NBEAL1: variants seen among roughly 807,000 people sequenced by gnomAD.
The protein encoded by NBEAL1 is neurobeachin like 1.
Under a neutral mutation model 351.3 loss-of-function variants are expected in NBEAL1, and 273 were observed. The observed-to-expected ratio is 0.78, with a 90% CI of 0.70 to 0.86. The LOEUF is 0.86. Ranked by LOEUF, NBEAL1 falls within the 40% of genes least tolerant of loss-of-function variation. NBEAL1 has a pLI of 0.00. For synonymous variants in NBEAL1, 1,050 were observed against 1,086.4 expected, an observed-to-expected ratio of 0.97 and a Z score of 0.66; for missense variants, 2,961 against 3,201.3, an observed-to-expected ratio of 0.92 and a Z score of 1.81.
At chr2:203,068,135 G>C (rs1404337275) in intron 6 of NBEAL1, among the ~76,000 whole-genome samples, 3 of 152,078 alleles carry the variant, frequency 2.0e-5, no homozygotes, top group Non-Finnish European at 4.4e-5. Context: ...TTAAGGTCTG[G>C]CTTCTTGTTC....
At chr2:203,197,446 GA>G in intron 48 of NBEAL1, 55 bp downstream of exon 48, 2 of 1,171,910 alleles carry the variant, frequency 1.7e-6, no homozygotes, top group Middle Eastern at 2.0e-4. Context: ...TTACAACTTA[GA>G]AAAAAAGAGG....
intron 50 of NBEAL1, among the ~76,000 whole-genome samples, chr2:203,202,237 G>A (rs2065420359): frequency 1.3e-5 from 2 of 152,100 alleles, no homozygotes; most frequent in African/African-American, 2.4e-5. Flanking sequence ...TAACACTTAC[G>A]TCTGCAGTTT....
chr2:203,180,701 C>A (rs1271585344), intron 43 of NBEAL1, among the ~76,000 whole-genome samples, 189 bp downstream of exon 43: 1 of 151,974 alleles, frequency 6.6e-6, no homozygotes, highest in African/African-American at 2.4e-5. Context: ...GGGAACTAAG[C>A]CAAAGGAGTC....
chr2:203,072,784 T>C (rs1294717098), intron 7 of NBEAL1, among the ~76,000 whole-genome samples: 1 of 152,200 alleles, frequency 6.6e-6, no homozygotes, highest in African/African-American at 2.4e-5. Context: ...TCAAAACTCT[T>C]CCAGCCTCTA....
intron 2 of NBEAL1, among the ~76,000 whole-genome samples, chr2:203,021,839 G>T (rs1379268688): frequency 2.0e-5 from 3 of 151,950 alleles, no homozygotes; most frequent in African/African-American, 7.3e-5. Context: ...CATGAGGTCA[G>T]GAGTTTGAGA....
intron 6 of NBEAL1, among the ~76,000 whole-genome samples, chr2:203,059,097 T>C (rs1445515551): frequency 6.6e-6 from 1 of 152,236 alleles, no homozygotes; most frequent in African/African-American, 2.4e-5. Flanking sequence ...TTTGTAGGCT[T>C]TTCAGGGTTC....
At position 203,081,166 on chromosome 2, in the gene NBEAL1, A is replaced by G. The variant is rs960660589; in HGVS notation, c.685-2053A>G. ...GTACAAGGGTGTTTAGAGGAATTGA[A>G]TATATAAAAGCTAAAGAATGGTCAT... On this transcript the variant is annotated intron_variant, in intron 8 of 55. Coordinates refer to ENST00000683969, the MANE Select transcript of NBEAL1 (RefSeq NM_001378026.1). 3.9e-5 allele frequency among the ~76,000 whole-genome samples: 6 copies of G among 152,238 alleles called. No homozygotes were observed. The South Asian group carries it at 1.2e-3, about 31-fold the overall frequency.
At position 203,201,767 on chromosome 2, in the gene NBEAL1, A is replaced by T. The variant is rs771029595; in HGVS notation, c.7411+52A>T. On this transcript the variant is annotated intron_variant, in intron 50 of 55. Coordinates refer to ENST00000683969, the MANE Select transcript of NBEAL1 (RefSeq NM_001378026.1). ...TGCTCAAAAATTTTCTTTTTTTCTT[A>T]AGTATAAAAGTAGTACGTGCTCTTT... 2.1e-5 allele frequency: 31 copies of T among 1,451,440 alleles called. 1 individual carries two copies. The highest frequency in any genetic ancestry group is 2.8e-5 in the African/African-American group (2 of 70,236). 89.9% of individuals were successfully genotyped at this position (1,451,440 alleles called of 1,614,324 possible).
chr2:203,204,322 TG>T (rs1575126058), intron 51 of NBEAL1, among the ~76,000 whole-genome samples: 1 of 149,678 alleles, frequency 6.7e-6, no homozygotes, highest in East Asian at 1.9e-4. Context: ...GGGGGTTTTT[TG>T]GTTTTTTTTT....
At position 203,138,641 on chromosome 2, in the gene NBEAL1, C is replaced by T. The variant is rs774139744; in HGVS notation, c.4741C>T (p.Leu1581Phe). The change falls in exon 31 of 56, where the codon CTC (leucine) becomes TTC (phenylalanine). Residue 1581 changes from leucine (L) to phenylalanine (F), a missense_variant. Transcript: ENST00000683969. The stretch of plus-strand genomic sequence containing the variant: ...ATAGCTTTTAGAGGATATGATGCTG[C>T]TCTTTGACTGTCTGTCAGTCTGCTA... ...TEKLLEDMML[L>F]FDCLSVCYSE... 2.2e-5 allele frequency: 35 copies of T among 1,607,602 alleles called. No individual in the cohort carries two copies. Among genetic ancestry groups the T allele is most frequent in the Non-Finnish European group, 2.9e-5 (34 of 1,178,308 alleles).
intron 48 of NBEAL1, among the ~76,000 whole-genome samples, 188 bp downstream of exon 48, chr2:203,197,579 G>C (rs1559057572): frequency 6.6e-6 from 1 of 152,004 alleles, no homozygotes; most frequent in Admixed American, 6.6e-5. Flanking sequence ...GACTAGCCTG[G>C]GCAACATTTG....
chr2:203,066,323 CTTT>C (rs35459326), intron 6 of NBEAL1, among the ~76,000 whole-genome samples: 4 of 139,982 alleles, frequency 2.9e-5, no homozygotes, highest in African/African-American at 7.9e-5. Flanking sequence ...AAATTTTATC[CTTT>C]TTTTTTTTTT....
In NBEAL1 at chr2:203,199,358, T is replaced by C. The variant is rs924086208; in HGVS notation, c.7149T>C (p.Tyr2383=). The C allele has an allele frequency of 1.3e-6, 2 of 1,589,894 alleles. No individual in the cohort carries two copies. The highest frequency in any genetic ancestry group is 8.6e-7 in the Non-Finnish European group (1 of 1,159,580). The stretch of plus-strand genomic sequence containing the variant: ...TCCAGATAACAATAAGCATGAATTA[T>C]GTTATTGGAACCCATGGATGGTTGC... ...PELLITISMN[Y]VIGTHGWLPY... Residue 2383 remains tyrosine, a synonymous_variant, in exon 49 of 56, where the codon TAT becomes TAC. Coordinates refer to ENST00000683969, the MANE Select transcript of NBEAL1 (RefSeq NM_001378026.1).
chr2:203,113,357 GT>G lies in NBEAL1; in HGVS notation c.2506+47del, dbSNP rs541963077. ...GTCATAATGCTTAAGCAAATTTAGA[GT>G]TTTTTTTGTTGTCTAAATATATTCT... On this transcript the variant is annotated intron_variant, in intron 17 of 55. Transcript: ENST00000683969. The G allele has an allele frequency of 2.5e-4, 295 of 1,161,638 alleles. No homozygotes were observed. The African/African-American group carries it at 3.9e-3, about 15-fold the overall frequency. The allele number at this position is 1,161,638 out of a possible 1,614,324, so 72.0% of individuals were successfully genotyped here. A position where few individuals can be genotyped will look rare whatever the true frequency, so the allele number is the denominator to read the frequency against.
chr2:203,086,520 T>A (rs1439979501), intron 10 of NBEAL1, among the ~76,000 whole-genome samples: 1 of 152,192 alleles, frequency 6.6e-6, no homozygotes, highest in East Asian at 1.9e-4. Context: ...GAACAGTTCA[T>A]CCCCTACTCT....
At chr2:203,189,667 G>A (rs1015780317) in intron 45 of NBEAL1, among the ~76,000 whole-genome samples, 11 of 151,904 alleles carry the variant, frequency 7.2e-5, no homozygotes, top group African/African-American at 1.2e-4. Flanking sequence ...GATTACAGGC[G>A]TGACCCACCA....
intron 19 of NBEAL1, among the ~76,000 whole-genome samples, chr2:203,122,713 T>C (rs1186639785): frequency 6.6e-6 from 1 of 152,230 alleles, no homozygotes; most frequent in Non-Finnish European, 1.5e-5. Flanking sequence ...CTCATATTTA[T>C]GTCACAGCTG....
chr2:203,083,612 TGGAAAGTATTGATTGTTTAA>T, intron 9 of NBEAL1, 87 bp downstream of exon 9: 2 of 1,026,086 alleles, frequency 1.9e-6, no homozygotes, highest in Non-Finnish European at 2.8e-6. Context: ...GGCCATTGTA[TGGAAAGTATTGATTGTTTAA>T]TTCAGATATC....
chr2:203,034,340 G>A (rs1006348773), intron 2 of NBEAL1, among the ~76,000 whole-genome samples: 2 of 150,598 alleles, frequency 1.3e-5, no homozygotes, highest in South Asian at 2.1e-4. Flanking sequence ...TGTATTTTTA[G>A]TAGAGACAGG....
Sources: allele counts gnomAD v4.1 joint callset (sites outside exome capture counted in the v4.1 genomes callset), GRCh38; gene constraint gnomAD v4.1.1; transcripts MANE v1.5; gene names NCBI Gene and HGNC (gene_info 2026-07-23, HGNC 2026-07-21).